The following SGCD variants were observed in gnomAD, a reference collection of about 807,000 sequenced individuals.
The protein encoded by SGCD is delta-sarcoglycan.
Under a neutral mutation model 36.6 loss-of-function variants are expected in SGCD, and 18 were observed. That is an observed-to-expected ratio of 0.49 (90% CI 0.34 to 0.73). SGCD has a LOEUF of 0.73. Among genes scored for constraint, SGCD ranks in the 30% least tolerant of loss-of-function variants. The probability of loss-of-function intolerance (pLI) is 0.01; values close to 1 mark genes in which losing one functional copy is unlikely to be tolerated. For missense variants in SGCD, 387 were observed against 346.7 expected (o/e 1.12, Z -0.92); for synonymous variants, 133 against 130.6 (o/e 1.02, Z -0.12).
intron 7 of SGCD, among the ~76,000 whole-genome samples, chr5:156,754,809 C>T (rs1368764818): frequency 6.6e-6 from 1 of 152,144 alleles, no homozygotes; most frequent in Non-Finnish European, 1.5e-5. Flanking sequence ...ACAAACCCCC[C>T]AATAACACAT....
intron 3 of SGCD, among the ~76,000 whole-genome samples, chr5:156,304,765 A>G (rs1022249589): frequency 6.6e-6 from 1 of 152,234 alleles, no homozygotes; most frequent in East Asian, 1.9e-4. Context: ...TGGGTTTGAC[A>G]AAAATGCTGA....
chr5:156,105,142 T>C (rs1455853217), intron 1 of SGCD, among the ~76,000 whole-genome samples: 3 of 152,192 alleles, frequency 2.0e-5, no homozygotes, highest in Non-Finnish European at 4.4e-5. Context: ...ACTTAAAGTA[T>C]AATAAAAAAT....
intron 7 of SGCD, among the ~76,000 whole-genome samples, chr5:156,670,450 G>C (rs944522996): frequency 2.0e-5 from 3 of 152,158 alleles, no homozygotes; most frequent in Non-Finnish European, 2.9e-5. Flanking sequence ...AATTGCTTTC[G>C]ACTCTTCCTT....
intron 1 of SGCD, among the ~76,000 whole-genome samples, chr5:155,983,548 C>T (rs1308379297): frequency 1.3e-5 from 2 of 152,170 alleles, no homozygotes; most frequent in Non-Finnish European, 2.9e-5. Flanking sequence ...GATCTGCCTG[C>T]CTTGGCCTCT....
chr5:156,269,505 A>AAAAAAC (rs1554088838), intron 3 of SGCD, among the ~76,000 whole-genome samples: 3 of 86,196 alleles, frequency 3.5e-5, no homozygotes, highest in Non-Finnish European at 4.8e-5. Context: ...AAAAAAAAAA[A>AAAAAAC]AAAAACCATC....
intron 4 of SGCD, among the ~76,000 whole-genome samples, chr5:156,582,567 C>A (rs920613905): frequency 6.6e-6 from 1 of 152,224 alleles, no homozygotes; most frequent in African/African-American, 2.4e-5. Context: ...GGAAGTCATT[C>A]TTAGCCAAGG....
At chr5:155,964,271 A>C (rs1346949361) in intron 1 of SGCD, among the ~76,000 whole-genome samples, 3 of 152,106 alleles carry the variant, frequency 2.0e-5, no homozygotes, top group Non-Finnish European at 4.4e-5. Flanking sequence ...AAATATTATG[A>C]TTTGGTAATA....
chr5:156,742,449 T>C (rs1756729935), intron 7 of SGCD, among the ~76,000 whole-genome samples: 1 of 152,162 alleles, frequency 6.6e-6, no homozygotes, highest in African/African-American at 2.4e-5. Context: ...TAATAAAATC[T>C]ACAACACTAG....
At chr5:155,986,506 G>T (rs1280279739) in intron 1 of SGCD, among the ~76,000 whole-genome samples, 1 of 152,142 alleles carries the variant, frequency 6.6e-6, no homozygotes, top group Admixed American at 6.5e-5. Context: ...ATGGCATCAG[G>T]CTCCTCAGAG....
chr5:156,368,686 T>C (rs1770233879), intron 3 of SGCD, among the ~76,000 whole-genome samples: 1 of 152,136 alleles, frequency 6.6e-6, no homozygotes, highest in Non-Finnish European at 1.5e-5. Flanking sequence ...GTGGTGGCAT[T>C]AGATTCTCAC....
chr5:156,643,194 G>A (rs183797001), intron 6 of SGCD, among the ~76,000 whole-genome samples: 67 of 151,942 alleles, frequency 4.4e-4, no homozygotes, highest in African/African-American at 1.5e-3. Context: ...CACCACGCCC[G>A]GCTAATTTTG....
intron 3 of SGCD, among the ~76,000 whole-genome samples, chr5:156,463,850 C>A (rs112386238): frequency 0.017 from 2,581 of 152,056 alleles, 67 homozygotes; most frequent in African/African-American, 0.058. Context: ...AAAAAATGAG[C>A]CAGGCATGGA....
At chr5:156,081,546 A>G (rs541966968) in intron 1 of SGCD, among the ~76,000 whole-genome samples, 8 of 152,166 alleles carry the variant, frequency 5.3e-5, no homozygotes, top group African/African-American at 1.9e-4. Flanking sequence ...GGTGCATGCT[A>G]CCACGTGCAA....
At chr5:156,110,506 C>G (rs1206688905) in intron 1 of SGCD, among the ~76,000 whole-genome samples, 1 of 151,966 alleles carries the variant, frequency 6.6e-6, no homozygotes, top group East Asian at 1.9e-4. Flanking sequence ...CTCCTCCTGA[C>G]ACACTTTCTG....
chr5:155,901,156 C>T (rs113475883), intron 1 of SGCD, among the ~76,000 whole-genome samples: 158 of 151,742 alleles, frequency 1.0e-3, no homozygotes, highest in African/African-American at 2.9e-3. Flanking sequence ...ACTAAAAATA[C>T]AAAAAATTAG....
rs1183573303 is a variant in SGCD at position 156,704,956 on chromosome 5, AT to A, written c.576-52618del. Among the ~76,000 whole-genome samples, 5 of 151,926 alleles carry A rather than the reference AT, an allele frequency of 3.3e-5. No homozygotes were observed. In the East Asian group the frequency reaches 9.7e-4, roughly 29 times the overall value. On this transcript the variant is annotated intron_variant, in intron 7 of 8. Transcript: ENST00000337851. ...ACCAACCTCAAAACCCTACCCAACT[AT>A]TTTTTTCCCTATTAACATCAACCCA...
chr5:155,880,578 T>C (rs1371433800), intron 1 of SGCD, among the ~76,000 whole-genome samples: 1 of 152,132 alleles, frequency 6.6e-6, no homozygotes, highest in African/African-American at 2.4e-5. Flanking sequence ...AATACACATA[T>C]GTACAAACAA....
At chr5:156,675,880 A>G (rs1302864740) in intron 7 of SGCD, among the ~76,000 whole-genome samples, 7 of 152,174 alleles carry the variant, frequency 4.6e-5, no homozygotes, top group African/African-American at 1.7e-4. Context: ...TCCTTCAGCC[A>G]TTTGTAAGAA....
chr5:156,292,114 A>G (rs1340176702), intron 3 of SGCD, among the ~76,000 whole-genome samples: 1 of 152,054 alleles, frequency 6.6e-6, no homozygotes, highest in Non-Finnish European at 1.5e-5. Context: ...TGTCTGGCTT[A>G]TTTCACTTAA....
Sources: gnomAD v4.1 joint callset for allele counts (sites outside exome capture counted in the v4.1 genomes callset) on GRCh38, gnomAD v4.1.1 for gene constraint, MANE v1.5 for transcripts, NCBI Gene and HGNC (gene_info 2026-07-23, HGNC 2026-07-21) for gene names.